Variants in THRB observed in about 807,000 individuals in gnomAD.
THRB encodes the protein nuclear receptor subfamily 1 group A member 2.
In THRB, 12 loss-of-function variants were observed where a neutral mutation model predicts 47.8. The ratio of observed to expected loss-of-function variants is 0.25; its 90% CI spans 0.16 to 0.41. The LOEUF (loss-of-function observed/expected upper bound fraction) is 0.41, where lower values mean the gene tolerates loss of function less well. THRB is among the 10% of genes least tolerant of loss of function. The pLI is 1.00. For synonymous variants in THRB, 218 were observed against 212.2 expected, an observed-to-expected ratio of 1.03 and a Z score of -0.24; for missense variants, 348 against 589.2, an observed-to-expected ratio of 0.59 and a Z score of 4.24.
chr3:24,360,665 C>A (rs1211311696), intron 1 of THRB, among the ~76,000 whole-genome samples: 4 of 152,046 alleles, frequency 2.6e-5, no homozygotes, highest in Non-Finnish European at 5.9e-5. Flanking sequence ...TTCATAGCTC[C>A]CCAGGTAGTT....
At position 24,224,946 on chromosome 3, in the gene THRB, C is replaced by A. The variant is rs826225; in HGVS notation, c.22+3992G>T. Among the ~76,000 whole-genome samples the A allele has an allele frequency of 3.9e-5, 6 of 152,132 alleles. No homozygotes were observed. In the East Asian group the frequency reaches 5.8e-4, roughly 15 times the overall value. The stretch of plus-strand genomic sequence containing the variant: ...ACATTTAGCATATTCGCATCTCAGC[C>A]TAAATTGCCCTATGCTGTTGATCAT... On this transcript the variant is annotated intron_variant, in intron 4 of 10. Coordinates refer to ENST00000646209, the MANE Select transcript of THRB (RefSeq NM_001354712.2).
In THRB at chr3:24,320,162, AAG is replaced by A. The variant is rs1211838341; in HGVS notation, c.-189+17136_-189+17137del. Among the ~76,000 whole-genome samples the A allele has an allele frequency of 6.6e-5, 10 of 152,322 alleles. No homozygotes were observed. In the East Asian group the frequency reaches 1.9e-3, roughly 29 times the overall value. ...AAGAGTGTAAGCATACTAAAACCAG[AAG>A]AGAGAAAATAAAGAAAAACTTTGCA... On this transcript the variant is annotated intron_variant, in intron 2 of 10. Transcript: ENST00000646209.
chr3:24,191,334 C>T (rs1322450831), intron 4 of THRB, among the ~76,000 whole-genome samples: 1 of 151,722 alleles, frequency 6.6e-6, no homozygotes. Context: ...TTCAGAAATT[C>T]TTAAGCTACT....
chr3:24,314,534 A>G (rs1179325660), intron 2 of THRB, among the ~76,000 whole-genome samples: 4 of 152,182 alleles, frequency 2.6e-5, no homozygotes, highest in Non-Finnish European at 5.9e-5. Flanking sequence ...AAATAACATC[A>G]AACTGCCAAA....
intron 2 of THRB, among the ~76,000 whole-genome samples, chr3:24,308,424 A>G (rs4858604): frequency 0.31 from 46,930 of 152,082 alleles, 7,394 homozygotes; most frequent in East Asian, 0.42. Context: ...AGGTCCTACT[A>G]TGTAAAATCA....
At position 24,482,533 on chromosome 3, in the gene THRB, G is replaced by T. The variant is rs1051602282; in HGVS notation, c.-261+12119C>A. Among the ~76,000 whole-genome samples, 3 of 105,268 alleles carry T rather than the reference G, an allele frequency of 2.8e-5. No homozygotes were observed. In the South Asian group the frequency reaches 8.7e-4, roughly 30 times the overall value. The allele number at this position is 105,268 out of a possible 152,430, so 69.1% of individuals were successfully genotyped here. On this transcript the variant is annotated intron_variant, in intron 1 of 10. Transcript: ENST00000646209. Reference sequence around the variant, plus strand: ...ATTCGTTCTTTCTTTCTTTCTTTCTGTCTCCCTCTCTCTCTCTCTCTCTCT... The same window carrying T: ...ATTCGTTCTTTCTTTCTTTCTTTCTTTCTCCCTCTCTCTCTCTCTCTCTCT...
chr3:24,462,883 C>G (rs559489659), intron 1 of THRB, among the ~76,000 whole-genome samples: 76 of 152,232 alleles, frequency 5.0e-4, no homozygotes, highest in African/African-American at 1.6e-3. Flanking sequence ...GGCAAGGCAC[C>G]CAGCTGAGAG....
At chr3:24,379,180 G>A (rs900623395) in intron 1 of THRB, among the ~76,000 whole-genome samples, 2 of 152,062 alleles carry the variant, frequency 1.3e-5, no homozygotes, top group African/African-American at 4.8e-5. Flanking sequence ...ATGCATTTAT[G>A]TGCTCATTTC....
intron 4 of THRB, among the ~76,000 whole-genome samples, chr3:24,190,986 G>A (rs2043265873): frequency 6.6e-6 from 1 of 152,072 alleles, no homozygotes; most frequent in African/African-American, 2.4e-5. Context: ...AGCAGATAGT[G>A]CTTTAGGTGT....
At chr3:24,185,980 A>G (rs1294567863) in intron 5 of THRB, among the ~76,000 whole-genome samples, 1 of 152,154 alleles carries the variant, frequency 6.6e-6, no homozygotes, top group African/African-American at 2.4e-5. Context: ...CCAGCTGGCA[A>G]TTGAGATAAG....
intron 3 of THRB, among the ~76,000 whole-genome samples, chr3:24,262,211 T>TA (rs2052132550): frequency 6.6e-6 from 1 of 152,212 alleles, no homozygotes. Flanking sequence ...ATGATGATTC[T>TA]AAATAATTCA....
chr3:24,303,600 CAT>C (rs1437767729), intron 2 of THRB, among the ~76,000 whole-genome samples: 1 of 152,172 alleles, frequency 6.6e-6, no homozygotes, highest in East Asian at 1.9e-4. Flanking sequence ...GTGAGCTACA[CAT>C]GTTAATTATC....
At chr3:24,232,860 C>T (rs2048388711) in intron 3 of THRB, among the ~76,000 whole-genome samples, 1 of 152,180 alleles carries the variant, frequency 6.6e-6, no homozygotes, top group Non-Finnish European at 1.5e-5. Context: ...GCATTTAACA[C>T]TGGGATAAAC....
rs1559551773 is a variant in THRB, at chr3:24,190,084, C to T, written c.273G>A (p.Lys91=). ...SSAQTFQTEE[K]KCKGYIPSYL... ...TAAAAATCTGGTTACCTTTACATTTCTTCTCCTCCGTTTGGAAGGTCTGGG... is the reference window on the plus strand; with the variant it reads ...TAAAAATCTGGTTACCTTTACATTTTTTCTCCTCCGTTTGGAAGGTCTGGG... Residue 91 remains lysine (K), a synonymous_variant, in exon 5 of 11, where the codon AAG becomes AAA. Coordinates refer to ENST00000646209, the MANE Select transcript of THRB (RefSeq NM_001354712.2). 1 of 1,614,000 alleles carries T rather than the reference C, an allele frequency of 6.2e-7. No homozygotes were observed. Among genetic ancestry groups the T allele is most frequent in the South Asian group, 1.1e-5 (1 of 91,082 alleles).
chr3:24,136,132 G>A (rs891043454), intron 8 of THRB, among the ~76,000 whole-genome samples: 1 of 151,914 alleles, frequency 6.6e-6, no homozygotes, highest in Non-Finnish European at 1.5e-5. Context: ...TTGAAAAAAG[G>A]AGAGAAAGTA....
intron 4 of THRB, among the ~76,000 whole-genome samples, chr3:24,205,788 G>A (rs1034597502): frequency 6.2e-4 from 95 of 152,178 alleles, no homozygotes; most frequent in Non-Finnish European, 1.1e-3. Flanking sequence ...TAGGCTCAAA[G>A]TAAAGGGATG....
intron 1 of THRB, among the ~76,000 whole-genome samples, chr3:24,436,282 G>C (rs572368661): frequency 6.6e-6 from 1 of 151,976 alleles, no homozygotes; most frequent in African/African-American, 2.4e-5. Flanking sequence ...GAGTTACAGA[G>C]AGGAAAGCCC....
chr3:24,280,115 G>A (rs946281481), intron 3 of THRB, among the ~76,000 whole-genome samples: 4 of 152,254 alleles, frequency 2.6e-5, no homozygotes, highest in Non-Finnish European at 5.9e-5. Context: ...GAGCCAAGAT[G>A]GCCAAATAGG....
At chr3:24,283,306 C>T (rs1169279032) in intron 3 of THRB, among the ~76,000 whole-genome samples, 1 of 152,118 alleles carries the variant, frequency 6.6e-6, no homozygotes, top group African/African-American at 2.4e-5. Context: ...CATAATCCAG[C>T]ATATAAACAG....
Sources: gnomAD v4.1 joint callset for allele counts (sites outside exome capture counted in the v4.1 genomes callset) on GRCh38, gnomAD v4.1.1 for gene constraint, MANE v1.5 for transcripts, NCBI Gene and HGNC (gene_info 2026-07-23, HGNC 2026-07-21) for gene names.